Variants in GRIK4 observed in about 807,000 individuals in gnomAD.
The protein encoded by GRIK4 is glutamate ionotropic receptor kainate type subunit 4.
A neutral mutation model predicts 104.9 loss-of-function variants in GRIK4; 40 were observed. The observed-to-expected ratio is 0.38, with a 90% CI of 0.30 to 0.50. The LOEUF is 0.50. Ranked by LOEUF, GRIK4 falls within the 20% of genes least tolerant of loss-of-function variation. The probability of loss-of-function intolerance (pLI) is 0.93; values close to 1 mark genes in which losing one functional copy is unlikely to be tolerated. For missense variants in GRIK4, 1,047 were observed against 1,308.1 expected, an observed-to-expected ratio of 0.80 and a Z score of 3.08; for synonymous variants, 485 against 524.9, an observed-to-expected ratio of 0.92 and a Z score of 1.04.
chr11:120,744,932 A>G (rs1315550665), intron 3 of GRIK4, among the ~76,000 whole-genome samples: 3 of 152,206 alleles, frequency 2.0e-5, no homozygotes, highest in East Asian at 1.9e-4. Context: ...TTAAAAGGCA[A>G]TTTCTGGGCT....
At position 120,905,222 on chromosome 11, in the gene GRIK4, C is replaced by T. The variant is rs1327113798; in HGVS notation, c.1273-68C>T. 4.3e-6 allele frequency: 5 copies of T among 1,170,110 alleles called. No individual in the cohort carries two copies. Among genetic ancestry groups the T allele is most frequent in the Admixed American group, 3.4e-5 (2 of 59,430 alleles). 72.5% of individuals were successfully genotyped at this position (1,170,110 alleles called of 1,614,324 possible). ...TCCCCGACCCTCTGTGCCCCTGGCC[C>T]TCCCCATCACACGCGGGTGAGACAC... On this transcript the variant is annotated intron_variant, in intron 12 of 20. Coordinates refer to ENST00000527524, the MANE Select transcript of GRIK4 (RefSeq NM_014619.5). The surrounding 1 kb of genome is among the most constrained non-coding windows in gnomAD (Gnocchi z 5.1).
intron 6 of GRIK4, among the ~76,000 whole-genome samples, chr11:120,829,016 G>C (rs1953350570): frequency 6.6e-6 from 1 of 152,166 alleles, no homozygotes; most frequent in African/African-American, 2.4e-5. Flanking sequence ...AGCCTTCCCT[G>C]TCTCGTCCCA....
intron 1 of GRIK4, chr11:120,576,020 C>T (rs1036349685): frequency 6.6e-6 from 1 of 151,722 alleles, no homozygotes; most frequent in African/African-American, 2.4e-5. Flanking sequence ...AGATGCAGCC[C>T]CTTTTATTTT....
chr11:120,613,423 A>C (rs1266230799), intron 1 of GRIK4, among the ~76,000 whole-genome samples: 3 of 152,138 alleles, frequency 2.0e-5, no homozygotes, highest in African/African-American at 7.2e-5. Context: ...AGAGCTTTGG[A>C]GATACAAAGC....
At chr11:120,554,547 T>C (rs1948169479) in intron 1 of GRIK4, among the ~76,000 whole-genome samples, 2 of 151,870 alleles carry the variant, frequency 1.3e-5, no homozygotes, top group Admixed American at 6.6e-5. Flanking sequence ...GTCGCTCTCT[T>C]TTTTTCTTTT....
chr11:120,936,403 C>T (rs1256373265), intron 13 of GRIK4: 5 of 353,914 alleles, frequency 1.4e-5, no homozygotes, highest in Admixed American at 6.5e-5. Flanking sequence ...AACTTTTTTT[C>T]TGTCTCCCCT....
chr11:120,837,956 G>C (rs952368944), intron 8 of GRIK4, among the ~76,000 whole-genome samples: 1 of 152,180 alleles, frequency 6.6e-6, no homozygotes, highest in Non-Finnish European at 1.5e-5. Context: ...CCGGCAACAT[G>C]AGTAGAGGAG....
chr11:120,731,248 GT>G (rs34922945), intron 3 of GRIK4, among the ~76,000 whole-genome samples: 7 of 147,534 alleles, frequency 4.7e-5, no homozygotes, highest in East Asian at 2.0e-4. Context: ...TTCTATACCT[GT>G]TTTTTTTTAG....
At chr11:120,760,367 T>TTA (rs1014240543) in intron 3 of GRIK4, among the ~76,000 whole-genome samples, 12 of 148,034 alleles carry the variant, frequency 8.1e-5, no homozygotes, top group Admixed American at 6.1e-4. Context: ...ATGGAATATT[T>TTA]TATATATATA....
intron 13 of GRIK4, among the ~76,000 whole-genome samples, chr11:120,920,234 A>G (rs749980639): frequency 6.6e-6 from 1 of 152,174 alleles, no homozygotes; most frequent in African/African-American, 2.4e-5. Flanking sequence ...TGAGAAATAA[A>G]TGGAATATAA....
intron 3 of GRIK4, among the ~76,000 whole-genome samples, chr11:120,801,793 T>C (rs1447397700): frequency 6.6e-6 from 1 of 152,232 alleles, no homozygotes; most frequent in East Asian, 1.9e-4. Flanking sequence ...GAGTGCCTCC[T>C]GTGTGCAAGA....
intron 3 of GRIK4, among the ~76,000 whole-genome samples, chr11:120,753,827 T>C (rs1267455214): frequency 6.6e-6 from 1 of 152,196 alleles, no homozygotes; most frequent in Non-Finnish European, 1.5e-5. Flanking sequence ...ATGCACCCAT[T>C]TAAAGTGCAC....
chr11:120,635,569 G>T (rs1454989770), intron 1 of GRIK4, among the ~76,000 whole-genome samples: 1 of 152,238 alleles, frequency 6.6e-6, no homozygotes, highest in East Asian at 1.9e-4. Flanking sequence ...GGGTAGTACT[G>T]TTGAACCGCT....
At chr11:120,536,940 G>A (rs1947984057) in intron 1 of GRIK4, among the ~76,000 whole-genome samples, 1 of 152,206 alleles carries the variant, frequency 6.6e-6, no homozygotes, top group Non-Finnish European at 1.5e-5. Flanking sequence ...AGGCGGCCAG[G>A]GGTTGAGGCC....
At chr11:120,873,175 T>C (rs1954662029) in intron 9 of GRIK4, 1 of 152,172 alleles carries the variant, frequency 6.6e-6, no homozygotes, top group African/African-American at 2.4e-5. Flanking sequence ...GCCATGTGAG[T>C]GATGGATTGC....
intron 3 of GRIK4, among the ~76,000 whole-genome samples, chr11:120,797,694 G>T (rs562324688): frequency 1.3e-5 from 2 of 152,180 alleles, no homozygotes; most frequent in Admixed American, 6.5e-5. Context: ...TCCCTGAATC[G>T]CACGGGGGTT....
intron 3 of GRIK4, among the ~76,000 whole-genome samples, chr11:120,708,845 C>T (rs537869492): frequency 9.8e-5 from 15 of 152,286 alleles, no homozygotes; most frequent in Admixed American, 6.5e-4. Context: ...TTCTGTCTCC[C>T]ACCTCTTACC....
chr11:120,711,255 G>A (rs1194846708), intron 3 of GRIK4, among the ~76,000 whole-genome samples: 1 of 152,210 alleles, frequency 6.6e-6, no homozygotes, highest in Non-Finnish European at 1.5e-5. Flanking sequence ...GTGGGTGAGA[G>A]TAGAATGAGC....
rs1201330478 is a variant in GRIK4, at chr11:120,967,047, T to G, written c.2267-148T>G. 1.2e-6 allele frequency: 1 copy of G among 816,138 alleles called. No homozygotes were observed. The highest frequency in any genetic ancestry group is 1.9e-6 in the Non-Finnish European group (1 of 529,560). 50.6% of individuals were successfully genotyped at this position (816,138 alleles called of 1,614,324 possible). ...AGTGGAGTAGACAGCACTGGCCCCA[T>G]GGGCTCGCCCCACCCGCTGCATCTG... On this transcript the variant is annotated intron_variant, in intron 18 of 20. Transcript: ENST00000527524. This position sits in a 1 kb window ranked among gnomAD's most constrained non-coding sequence, Gnocchi z 4.2.
Sources: gnomAD v4.1 joint callset for allele counts (sites outside exome capture counted in the v4.1 genomes callset) on GRCh38, gnomAD v4.1.1 for gene constraint, Gnocchi (gnomAD v3.1) non-coding constraint, MANE v1.5 for transcripts, NCBI Gene and HGNC (gene_info 2026-07-23, HGNC 2026-07-21) for gene names.